The following UBE2E1 variants were observed in gnomAD, a reference collection of about 807,000 sequenced individuals.
UBE2E1 encodes the protein ubiquitin-conjugating enzyme E2 E1.
In UBE2E1, 6 loss-of-function variants were observed where a neutral mutation model predicts 21.4. The ratio of observed to expected loss-of-function variants is 0.28; its 90% CI spans 0.15 to 0.55. The LOEUF is 0.55. Ranked by LOEUF, UBE2E1 falls within the 20% of genes least tolerant of loss-of-function variation. The pLI, the probability that UBE2E1 is intolerant of heterozygous loss-of-function variation, is 0.93. For missense variants in UBE2E1, 142 were observed against 236.5 expected, an observed-to-expected ratio of 0.60 and a Z score of 2.62; for synonymous variants, 87 against 82.7, an observed-to-expected ratio of 1.05 and a Z score of -0.28.
Position 23,876,833 on chromosome 3 carries a change from C to T in UBE2E1, c.204-10734C>T, listed in dbSNP as rs978831044. On this transcript the variant is annotated intron_variant, in intron 3 of 5. Transcript: ENST00000306627. The surrounding 1 kb of genome is among the most constrained non-coding windows in gnomAD (Gnocchi z 4.3). ...GCCAAGCAGAAGTATCGCTTGAGCCCAGGAGTTCAAGACCAGTCTGGGTAA... is the reference window on the plus strand; with the variant it reads ...GCCAAGCAGAAGTATCGCTTGAGCCTAGGAGTTCAAGACCAGTCTGGGTAA... 1.3e-5 allele frequency among the ~76,000 whole-genome samples: 2 copies of T among 151,984 alleles called. No individual in the cohort carries two copies. Among genetic ancestry groups the T allele is most frequent in the African/African-American group, 4.8e-5 (2 of 41,350 alleles).
chr3:23,890,125 C>T (rs910548178), intron 5 of UBE2E1, among the ~76,000 whole-genome samples: 9 of 152,178 alleles, frequency 5.9e-5, no homozygotes, highest in Admixed American at 2.0e-4. Context: ...ATGCCGTTAA[C>T]TGGTGACATT....
intron 2 of UBE2E1, 149 bp downstream of exon 2, chr3:23,807,570 A>AT: frequency 1.1e-6 from 1 of 925,414 alleles, no homozygotes; most frequent in Non-Finnish European, 1.5e-6. Context: ...AGCCCTAATT[A>AT]TTTTCTCTAT....
intron 3 of UBE2E1, among the ~76,000 whole-genome samples, chr3:23,883,058 G>A (rs537483778): frequency 1.1e-4 from 17 of 152,276 alleles, no homozygotes; most frequent in East Asian, 7.7e-4. Flanking sequence ...CACCAAGAGC[G>A]AGCGAGGGCT....
Position 23,887,779 on chromosome 3 carries a change from T to C in UBE2E1, c.336+80T>C. 1 of 1,505,626 alleles carries C rather than the reference T, an allele frequency of 6.6e-7. No homozygotes were observed. Among genetic ancestry groups the C allele is most frequent in the Non-Finnish European group, 8.9e-7 (1 of 1,125,350 alleles). 93.3% of individuals were successfully genotyped at this position (1,505,626 alleles called of 1,614,324 possible). On this transcript the variant is annotated intron_variant, in intron 4 of 5. Transcript: ENST00000306627. This position sits in a 1 kb window ranked among gnomAD's most constrained non-coding sequence, Gnocchi z 4.4. The stretch of plus-strand genomic sequence containing the variant: ...TTGAGGTTTTTCTAAATTTAATTTT[T>C]AATCACAGAAACTAGATTTATCTTA...
chr3:23,837,374 C>G (rs1699993664), intron 3 of UBE2E1, among the ~76,000 whole-genome samples: 1 of 152,152 alleles, frequency 6.6e-6, no homozygotes, highest in Admixed American at 6.5e-5. Context: ...GTGTTCCAAA[C>G]CCAGCACTAA....
rs1355973313 is a variant in UBE2E1, at chr3:23,887,431, T to C, written c.204-136T>C. 8.1e-7 allele frequency: 1 copy of C among 1,229,746 alleles called. No individual in the cohort carries two copies. The highest frequency in any genetic ancestry group is 1.5e-5 in the African/African-American group (1 of 66,160). 76.2% of individuals were successfully genotyped at this position (1,229,746 alleles called of 1,614,324 possible). A position where few individuals can be genotyped will look rare whatever the true frequency, so the allele number is the denominator to read the frequency against. On this transcript the variant is annotated intron_variant, in intron 3 of 5. Coordinates refer to ENST00000306627, the MANE Select transcript of UBE2E1 (RefSeq NM_003341.5). This position sits in a 1 kb window ranked among gnomAD's most constrained non-coding sequence, Gnocchi z 4.4. ...GGTTTGTTGCAGTTCTGCATCCGTTTCTGTACTTGTTTTGTAAAGAGAATC... is the reference window on the plus strand; with the variant it reads ...GGTTTGTTGCAGTTCTGCATCCGTTCCTGTACTTGTTTTGTAAAGAGAATC...
intron 3 of UBE2E1, among the ~76,000 whole-genome samples, chr3:23,821,799 G>T (rs906433918): frequency 6.6e-6 from 1 of 152,128 alleles, no homozygotes; most frequent in African/African-American, 2.4e-5. Flanking sequence ...ATGAGGGCAG[G>T]GTGGAAATGA....
chr3:23,847,651 C>T (rs1257316548), intron 3 of UBE2E1, among the ~76,000 whole-genome samples: 2 of 151,884 alleles, frequency 1.3e-5, no homozygotes, highest in African/African-American at 4.8e-5. Flanking sequence ...CCCACCACCA[C>T]ACTCGGCTAA....
At chr3:23,852,251 A>G (rs1029054128) in intron 3 of UBE2E1, among the ~76,000 whole-genome samples, 1 of 152,224 alleles carries the variant, frequency 6.6e-6, no homozygotes, top group Non-Finnish European at 1.5e-5. Context: ...TGATTCATGA[A>G]CATTAAATGT....
chr3:23,873,468 C>T (rs1333695282), intron 3 of UBE2E1, among the ~76,000 whole-genome samples: 3 of 151,982 alleles, frequency 2.0e-5, no homozygotes, highest in African/African-American at 7.2e-5. Context: ...ATTAGGCAGT[C>T]GGGCGCGGTG....
In UBE2E1 at chr3:23,806,149, C is replaced by A. The variant is rs1699259332; in HGVS notation, c.-34+61C>A. On this transcript the variant is annotated intron_variant, in intron 1 of 5. Coordinates refer to ENST00000306627, the MANE Select transcript of UBE2E1 (RefSeq NM_003341.5). The surrounding 1 kb of genome is among the most constrained non-coding windows in gnomAD (Gnocchi z 6.5). ...GCCGCGCCGCCGGGCCTCGGGGACA[C>A]CCCTCGCCGCCTCCCCCGACTCGCG... 6.8e-6 allele frequency: 1 copy of A among 147,328 alleles called. No individual in the cohort carries two copies. The highest frequency in any genetic ancestry group is 2.1e-4 in the South Asian group (1 of 4,794). The allele number at this position is 147,328 out of a possible 1,614,324, so 9.1% of individuals were successfully genotyped here. A position where few individuals can be genotyped will look rare whatever the true frequency, so the allele number is the denominator to read the frequency against.
rs770846915 is a variant in UBE2E1 at position 23,876,307 on chromosome 3, T to C, written c.204-11260T>C. 3.9e-5 allele frequency among the ~76,000 whole-genome samples: 6 copies of C among 152,234 alleles called. No homozygotes were observed. Among genetic ancestry groups the C allele is most frequent in the Non-Finnish European group, 8.8e-5 (6 of 68,032 alleles). ...AATAGCACTTACAAAATCGTGTCACTACCCTGTTAGTTTCTTTAGTAAAGT... is the reference window on the plus strand; with the variant it reads ...AATAGCACTTACAAAATCGTGTCACCACCCTGTTAGTTTCTTTAGTAAAGT... On this transcript the variant is annotated intron_variant, in intron 3 of 5. Coordinates refer to ENST00000306627, the MANE Select transcript of UBE2E1 (RefSeq NM_003341.5). The surrounding 1 kb of genome is among the most constrained non-coding windows in gnomAD (Gnocchi z 4.3).
intron 3 of UBE2E1, among the ~76,000 whole-genome samples, chr3:23,821,051 T>G (rs1369288274): frequency 6.6e-6 from 1 of 152,226 alleles, no homozygotes; most frequent in Non-Finnish European, 1.5e-5. Flanking sequence ...GTAGATCAGA[T>G]CGTAATCATT....
intron 3 of UBE2E1, among the ~76,000 whole-genome samples, chr3:23,838,985 A>C (rs917317109): frequency 6.6e-5 from 10 of 151,410 alleles, no homozygotes; most frequent in African/African-American, 2.4e-4. Flanking sequence ...TCTTTATAGA[A>C]TACATCTTTA....
At chr3:23,869,935 A>G (rs1450377853) in intron 3 of UBE2E1, among the ~76,000 whole-genome samples, 3 of 151,970 alleles carry the variant, frequency 2.0e-5, no homozygotes, top group East Asian at 1.9e-4. Context: ...AAAAACCACT[A>G]TTTTTTATTA....
At chr3:23,828,748 G>C (rs530412220) in intron 3 of UBE2E1, among the ~76,000 whole-genome samples, 32 of 152,238 alleles carry the variant, frequency 2.1e-4, no homozygotes, top group African/African-American at 7.7e-4. Context: ...ATTATATAAA[G>C]GTTCGTTAAT....
intron 3 of UBE2E1, among the ~76,000 whole-genome samples, chr3:23,812,515 T>G (rs1699417725): frequency 6.6e-6 from 1 of 152,234 alleles, no homozygotes; most frequent in South Asian, 2.1e-4. Context: ...AATTAGTGGA[T>G]TAAATACAAA....
Position 23,887,328 on chromosome 3 carries a change from C to T in UBE2E1, c.204-239C>T, listed in dbSNP as rs1018480322. The stretch of plus-strand genomic sequence containing the variant: ...AGTTTTGAGAATTGAGGAAAGTTTC[C>T]TGCTTATTCGTAGCTAGGTAGGCTT... On this transcript the variant is annotated intron_variant, in intron 3 of 5. Coordinates refer to ENST00000306627, the MANE Select transcript of UBE2E1 (RefSeq NM_003341.5). The surrounding 1 kb of genome is among the most constrained non-coding windows in gnomAD (Gnocchi z 4.4). Among the ~76,000 whole-genome samples the T allele has an allele frequency of 3.3e-5, 5 of 152,128 alleles. No individual in the cohort carries two copies. The highest frequency in any genetic ancestry group is 1.2e-4 in the African/African-American group (5 of 41,422).
intron 3 of UBE2E1, among the ~76,000 whole-genome samples, chr3:23,871,706 G>T (rs1368319963): frequency 6.6e-6 from 1 of 151,804 alleles, no homozygotes; most frequent in Non-Finnish European, 1.5e-5. Context: ...GGTCGCGGCC[G>T]GGTAGAGGTG....
Sources: gnomAD v4.1 joint callset for allele counts (sites outside exome capture counted in the v4.1 genomes callset) on GRCh38, gnomAD v4.1.1 for gene constraint, Gnocchi (gnomAD v3.1) non-coding constraint, MANE v1.5 for transcripts, NCBI Gene and HGNC (gene_info 2026-07-23, HGNC 2026-07-21) for gene names.